Variants in POLR2F observed in about 807,000 individuals in gnomAD.
POLR2F encodes DNA-directed RNA polymerases I, II, and III subunit RPABC2.
In POLR2F, 12 loss-of-function variants were observed where a neutral mutation model predicts 22.7. The ratio of observed to expected loss-of-function variants is 0.53; its 90% CI spans 0.34 to 0.86. The LOEUF (loss-of-function observed/expected upper bound fraction) is 0.86, where lower values mean the gene tolerates loss of function less well. POLR2F is among the 40% of genes least tolerant of loss of function. The pLI, the probability that POLR2F is intolerant of heterozygous loss-of-function variation, is 0.02. For missense variants in POLR2F, 126 were observed against 171.5 expected, an observed-to-expected ratio of 0.73 and a Z score of 1.48; for synonymous variants, 57 against 66.0, an observed-to-expected ratio of 0.86 and a Z score of 0.66.
downstream of POLR2F, chr22:37,969,318 G>A: frequency 1.0e-6 from 1 of 985,380 alleles, no homozygotes; most frequent in African/African-American, 1.7e-5. Flanking sequence ...CACCACTATT[G>A]GTTCTGTTTT....
At chr22:38,004,033 A>G (rs886068691) in intron 1 of POLR2F, among the ~76,000 whole-genome samples, 3 of 152,052 alleles carry the variant, frequency 2.0e-5, no homozygotes, top group African/African-American at 4.8e-5. Context: ...TGTGTTGCCC[A>G]GGCTGGAGTG....
Position 38,017,943 on chromosome 22 carries a change from C to G in POLR2F, c.121-7926C>G, listed in dbSNP as rs537483324. ...AAATGGGCATGATTGTCCCTGCCCT[C>G]CTGCCACATAACAGAGGCTATAATG... On this transcript the variant is annotated intron_variant, in intron 1 of 2. Coordinates refer to the POLR2F transcript ENST00000333418. This position sits in a 1 kb window ranked among gnomAD's most constrained non-coding sequence, Gnocchi z 4.1. Among the ~76,000 whole-genome samples, 21 of 152,332 alleles carry G rather than the reference C, an allele frequency of 1.4e-4. No individual in the cohort carries two copies. The highest frequency in any genetic ancestry group is 8.5e-4 in the Admixed American group (13 of 15,304).
At chr22:38,038,833 G>A (rs1194117849) in intron 5 of POLR2F, among the ~76,000 whole-genome samples, 1 of 150,530 alleles carries the variant, frequency 6.6e-6, no homozygotes, top group African/African-American at 2.4e-5. Context: ...TGACCGTGGC[G>A]GCCGCGGCGC....
chr22:37,967,949 C>G lies in POLR2F; in HGVS notation c.*234C>G, dbSNP rs899570175. 1 of 1,187,388 alleles carries G rather than the reference C, an allele frequency of 8.4e-7. No homozygotes were observed. Among genetic ancestry groups the G allele is most frequent in the Non-Finnish European group, 1.0e-6 (1 of 956,762 alleles). The allele number at this position is 1,187,388 out of a possible 1,614,324, so 73.6% of individuals were successfully genotyped here. On this transcript the variant is annotated 3_prime_UTR_variant, in exon 5 of 5. Transcript: ENST00000442738. ...GGGCCCTTAGCCCCTTTGGATCCCCCACATCCTTCCCTCCATCTCCCTGTT... is the reference window on the plus strand; with the variant it reads ...GGGCCCTTAGCCCCTTTGGATCCCCGACATCCTTCCCTCCATCTCCCTGTT...
chr22:38,009,224 C>T (rs762632579), intron 1 of POLR2F, among the ~76,000 whole-genome samples: 8 of 152,140 alleles, frequency 5.3e-5, no homozygotes, highest in Non-Finnish European at 5.9e-5. Flanking sequence ...GACATGGGCT[C>T]GTACTCCAAG....
At chr22:37,994,728 G>A (rs944535446) in intron 1 of POLR2F, among the ~76,000 whole-genome samples, 5 of 152,122 alleles carry the variant, frequency 3.3e-5, no homozygotes, top group Non-Finnish European at 5.9e-5. Flanking sequence ...CCGTGGTCTC[G>A]AGCTCCTGAC....
intron 4 of POLR2F, among the ~76,000 whole-genome samples, chr22:37,976,793 T>C (rs1932233472): frequency 1.3e-5 from 2 of 152,150 alleles, no homozygotes; most frequent in Non-Finnish European, 2.9e-5. Context: ...TGGAACAGAG[T>C]AGCTGCTCAA....
chr22:37,994,542 G>A (rs944423214), intron 1 of POLR2F, among the ~76,000 whole-genome samples: 2 of 151,268 alleles, frequency 1.3e-5, no homozygotes, highest in African/African-American at 2.4e-5. Flanking sequence ...TTTTTGAGAC[G>A]GAGTCTCTCT....
intron 1 of POLR2F, among the ~76,000 whole-genome samples, chr22:37,954,811 C>T (rs952068715): frequency 7.2e-5 from 11 of 152,056 alleles, no homozygotes; most frequent in African/African-American, 2.7e-4. Context: ...CAGTGAGTGT[C>T]AGTAGAGAAG....
chr22:37,954,295 C>T (rs1376294059), intron 1 of POLR2F, among the ~76,000 whole-genome samples: 1 of 151,752 alleles, frequency 6.6e-6, no homozygotes, highest in East Asian at 1.9e-4. Context: ...TGGGACGGTC[C>T]TTTGCAGTAA....
rs1382349551 is a variant in POLR2F at position 38,010,602 on chromosome 22, G to GGTTTTTTTTT, written c.121-15267_121-15266insGTTTTTTTTT. ...TAAATATGTAGTAATAATTCCTTGT[G>GGTTTTTTTTT]TTTTTTTTTTTTTTTTTTTTTTTTT... On this transcript the variant is annotated intron_variant, in intron 1 of 2. Coordinates refer to the POLR2F transcript ENST00000333418. Among the ~76,000 whole-genome samples, 13 of 60,890 alleles carry GGTTTTTTTTT rather than the reference G, an allele frequency of 2.1e-4. 1 individual carries two copies. The highest frequency in any genetic ancestry group is 9.4e-4 in the African/African-American group (13 of 13,868). 39.9% of individuals were successfully genotyped at this position (60,890 alleles called of 152,430 possible).
At chr22:37,998,306 C>G (rs1196661581) in intron 1 of POLR2F, among the ~76,000 whole-genome samples, 1 of 152,242 alleles carries the variant, frequency 6.6e-6, no homozygotes, top group South Asian at 2.1e-4. Context: ...GCCTCCAGTC[C>G]GTGTTAACTC....
downstream of POLR2F, chr22:37,973,824 T>C (rs1340843900): frequency 1.2e-6 from 2 of 1,604,286 alleles, no homozygotes; most frequent in East Asian, 4.5e-5. Context: ...GCGGTCTCTG[T>C]CTTCACCTGG....
At chr22:38,000,277 T>C (rs543841933) in intron 1 of POLR2F, among the ~76,000 whole-genome samples, 43 of 152,316 alleles carry the variant, frequency 2.8e-4, no homozygotes, top group Non-Finnish European at 2.5e-4. Flanking sequence ...ACCTTCTTAT[T>C]GTACTGACAG....
intron 1 of POLR2F, among the ~76,000 whole-genome samples, chr22:38,023,622 C>T (rs550308708): frequency 1.3e-5 from 2 of 152,072 alleles, no homozygotes; most frequent in Non-Finnish European, 2.9e-5. Flanking sequence ...TAAACACTAA[C>T]TCCCTTAGCT....
intron 1 of POLR2F, among the ~76,000 whole-genome samples, chr22:38,007,397 G>T (rs2084830969): frequency 6.6e-6 from 1 of 152,188 alleles, no homozygotes. Context: ...GCAGACAGAA[G>T]GGGGACTTAG....
At chr22:38,041,240 A>C (rs2085169489), downstream of POLR2F, 40 of 1,253,784 alleles carry the variant, frequency 3.2e-5, no homozygotes, top group East Asian at 1.3e-4. Flanking sequence ...GATGGACCAG[A>C]TGGCGGGGGC....
At chr22:38,014,804 GTATT>G (rs2084902356) in intron 1 of POLR2F, among the ~76,000 whole-genome samples, 1 of 108,538 alleles carries the variant, frequency 9.2e-6, no homozygotes. Context: ...TTGTATTTTT[GTATT>G]TTTTTTTTTT....
At position 38,036,000 on chromosome 22, in the gene POLR2F, G is replaced by C. The variant is rs2085112803; in HGVS notation, c.453-5068G>C. ...TTTTCTTTTTTTTTTTTTTGAGACA[G>C]AGTCTCGATCTGTTGCGCAGGCTGG... On this transcript the variant is annotated intron_variant, in intron 5 of 5. Coordinates refer to the POLR2F transcript ENST00000407936. Among the ~76,000 whole-genome samples the C allele has an allele frequency of 2.8e-5, 4 of 142,326 alleles. No homozygotes were observed. In the South Asian group the frequency reaches 8.9e-4, roughly 32 times the overall value. The allele number at this position is 142,326 out of a possible 152,430, so 93.4% of individuals were successfully genotyped here.
Sources: allele counts gnomAD v4.1 joint callset (sites outside exome capture counted in the v4.1 genomes callset), GRCh38; gene constraint gnomAD v4.1.1; non-coding constraint Gnocchi (gnomAD v3.1); transcripts MANE v1.5; gene names NCBI Gene and HGNC (gene_info 2026-07-23, HGNC 2026-07-21).